PDS5A: variants seen among roughly 807,000 people sequenced by gnomAD.
PDS5A encodes the protein PDS5 cohesin associated factor A.
A neutral mutation model predicts 167.1 loss-of-function variants in PDS5A; 42 were observed. The observed-to-expected ratio is 0.25, with a 90% CI of 0.20 to 0.33. The LOEUF is 0.33. Ranked by LOEUF, PDS5A falls within the 10% of genes least tolerant of loss-of-function variation. The pLI is 1.00. For missense variants in PDS5A, 1,033 were observed against 1,605.9 expected (o/e 0.64, Z 6.10); for synonymous variants, 553 against 554.6 (o/e 1.00, Z 0.04).
intron 32 of PDS5A, 196 bp downstream of exon 32, chr4:39,837,660 G>T: frequency 2.0e-6 from 1 of 488,926 alleles, no homozygotes; most frequent in East Asian, 3.1e-5. Context: ...AAAGAAAAAA[G>T]ATTTTTCTTC....
intron 18 of PDS5A, among the ~76,000 whole-genome samples, chr4:39,878,745 A>AT (rs550609820): frequency 6.6e-6 from 1 of 151,492 alleles, no homozygotes; most frequent in African/African-American, 2.4e-5. Context: ...TAATGAAATG[A>AT]TTTTTTTTTC....
chr4:39,835,520 T>G (rs938587708), intron 32 of PDS5A, among the ~76,000 whole-genome samples: 10 of 152,252 alleles, frequency 6.6e-5, no homozygotes, highest in African/African-American at 2.4e-4. Flanking sequence ...TGTATCCGTT[T>G]TTTTGTCTTT....
intron 22 of PDS5A, among the ~76,000 whole-genome samples, chr4:39,867,857 CCAT>C (rs1175915865): frequency 1.3e-5 from 2 of 151,650 alleles, no homozygotes; most frequent in African/African-American, 2.4e-5. Context: ...TTTGAAGAAA[CCAT>C]CAAGTCTGAT....
chr4:39,894,712 C>T (rs1012316918), intron 16 of PDS5A, among the ~76,000 whole-genome samples: 1 of 152,146 alleles, frequency 6.6e-6, no homozygotes, highest in African/African-American at 2.4e-5. Flanking sequence ...CCTTCTAGAA[C>T]AAAGTTAGAC....
chr4:39,921,192 A>C (rs980224502), intron 6 of PDS5A, among the ~76,000 whole-genome samples: 8 of 152,182 alleles, frequency 5.3e-5, no homozygotes, highest in African/African-American at 1.9e-4. Context: ...CATACAAATC[A>C]CTGCAACAAC....
intron 21 of PDS5A, among the ~76,000 whole-genome samples, chr4:39,872,138 T>C (rs1170191541): frequency 2.0e-5 from 3 of 151,870 alleles, no homozygotes; most frequent in Non-Finnish European, 4.4e-5. Context: ...TACAGTGTAT[T>C]ATCTTAAAAA....
At chr4:39,909,126 T>A (rs941177371) in intron 10 of PDS5A, among the ~76,000 whole-genome samples, 3 of 144,418 alleles carry the variant, frequency 2.1e-5, no homozygotes, top group Non-Finnish European at 4.7e-5. Context: ...TTTTAATTTT[T>A]ATTTTTTGTT....
chr4:39,959,214 C>T (rs1729249223), intron 2 of PDS5A, among the ~76,000 whole-genome samples: 1 of 152,182 alleles, frequency 6.6e-6, no homozygotes, highest in African/African-American at 2.4e-5. Context: ...CCTTACTGAA[C>T]TAAATGCTGT....
At chr4:39,963,675 T>C (rs1407657182) in intron 2 of PDS5A, among the ~76,000 whole-genome samples, 1 of 151,876 alleles carries the variant, frequency 6.6e-6, no homozygotes, top group African/African-American at 2.4e-5. Flanking sequence ...CTTCAAAAAC[T>C]ATAAAAATTA....
intron 17 of PDS5A, among the ~76,000 whole-genome samples, chr4:39,888,954 G>C (rs1031084322): frequency 8.5e-5 from 13 of 152,146 alleles, no homozygotes; most frequent in African/African-American, 2.7e-4. Flanking sequence ...ACACTGATTT[G>C]ATCTTCACAA....
chr4:39,879,591 A>G (rs1278093591), intron 18 of PDS5A, 137 bp downstream of exon 18: 1 of 531,456 alleles, frequency 1.9e-6, no homozygotes, highest in African/African-American at 1.9e-5. Context: ...TTACTTTTAC[A>G]TCATCTAATT....
intron 2 of PDS5A, among the ~76,000 whole-genome samples, chr4:39,937,718 T>C (rs1270756722): frequency 2.6e-5 from 4 of 152,204 alleles, no homozygotes; most frequent in African/African-American, 9.6e-5. Context: ...AATGAACTTT[T>C]TGTAAGTCCA....
chr4:39,843,484 A>G (rs1019220387), intron 30 of PDS5A, among the ~76,000 whole-genome samples: 1 of 152,234 alleles, frequency 6.6e-6, no homozygotes, highest in African/African-American at 2.4e-5. Context: ...CTGTAATCCC[A>G]GCACTTTGGG....
chr4:39,930,246 A>AAAAAAAAAAAATTTTTTTTT, intron 2 of PDS5A, among the ~76,000 whole-genome samples: 1 of 93,088 alleles, frequency 1.1e-5, no homozygotes. Context: ...AAAAAAAAAA[A>AAAAAAAAAAAATTTTTTTTT]GTTTTTTTGT....
intron 2 of PDS5A, among the ~76,000 whole-genome samples, chr4:39,931,804 C>A (rs1368065249): frequency 6.6e-6 from 1 of 151,832 alleles, no homozygotes; most frequent in African/African-American, 2.4e-5. Flanking sequence ...TCATTCAGAG[C>A]TATCTTGGAG....
chr4:39,866,374 C>T (rs1422246367), intron 23 of PDS5A, among the ~76,000 whole-genome samples: 1 of 152,104 alleles, frequency 6.6e-6, no homozygotes, highest in Non-Finnish European at 1.5e-5. Flanking sequence ...GTCTCGGCCT[C>T]CCAAAATGCT....
intron 17 of PDS5A, among the ~76,000 whole-genome samples, chr4:39,886,652 G>A (rs1481221676): frequency 1.3e-5 from 2 of 151,886 alleles, no homozygotes; most frequent in Admixed American, 6.6e-5. Flanking sequence ...GGTGGAGGCT[G>A]TGGTGAGCCA....
At chr4:39,958,698 T>G (rs1328452507) in intron 2 of PDS5A, among the ~76,000 whole-genome samples, 2 of 151,524 alleles carry the variant, frequency 1.3e-5, no homozygotes, top group Non-Finnish European at 2.9e-5. Flanking sequence ...CACTGCAACC[T>G]CTGTCTCGTG....
At chr4:39,961,018 C>T (rs1247611811) in intron 2 of PDS5A, among the ~76,000 whole-genome samples, 1 of 148,946 alleles carries the variant, frequency 6.7e-6, no homozygotes, top group Admixed American at 6.8e-5. Flanking sequence ...AGGTGGGGGT[C>T]TCACCGGCCT....
Sources: gnomAD v4.1 joint callset for allele counts (sites outside exome capture counted in the v4.1 genomes callset) on GRCh38, gnomAD v4.1.1 for gene constraint, MANE v1.5 for transcripts, NCBI Gene and HGNC (gene_info 2026-07-23, HGNC 2026-07-21) for gene names.